The following CEP135 variants were observed in gnomAD, a reference collection of about 807,000 sequenced individuals.
CEP135 encodes the protein centrosomal protein of 135 kDa.
Under a neutral mutation model 157.3 loss-of-function variants are expected in CEP135, and 142 were observed. The ratio of observed to expected loss-of-function variants is 0.90; its 90% CI spans 0.79 to 1.04. CEP135 has a LOEUF of 1.04. Among genes scored for constraint, CEP135 ranks in the 50% least tolerant of loss-of-function variants. CEP135 has a pLI of 0.00. For synonymous variants in CEP135, 396 were observed against 439.8 expected (o/e 0.90, Z 1.25); for missense variants, 1,317 against 1,309.2 (o/e 1.01, Z -0.09).
At chr4:56,011,303 T>A (rs376032634) in intron 19 of CEP135, 109 bp from the exon 20 acceptor site, 11 of 708,162 alleles carry the variant, frequency 1.6e-5, no homozygotes, top group Middle Eastern at 3.7e-4. Context: ...AGTTTTCCTT[T>A]TGCCCTACTC....
intron 18 of CEP135, among the ~76,000 whole-genome samples, chr4:56,008,879 A>G (rs1364863836): frequency 1.3e-5 from 2 of 152,164 alleles, no homozygotes; most frequent in African/African-American, 2.4e-5. Context: ...ATATTTGCCA[A>G]TTGAATCTAT....
At chr4:55,977,005 A>G (rs113677552) in intron 11 of CEP135, among the ~76,000 whole-genome samples, 2,348 of 148,936 alleles carry the variant, frequency 0.016, 37 homozygotes, top group Middle Eastern at 0.038. Context: ...TATTTTTTGT[A>G]GAGATAGGGT....
At chr4:55,998,786 G>A (rs1407095891) in intron 15 of CEP135, among the ~76,000 whole-genome samples, 1 of 152,114 alleles carries the variant, frequency 6.6e-6, no homozygotes, top group Non-Finnish European at 1.5e-5. Flanking sequence ...GATCACCTGA[G>A]CCCAGGAGGC....
chr4:55,995,144 C>T (rs1046322680), intron 15 of CEP135, among the ~76,000 whole-genome samples: 9 of 152,264 alleles, frequency 5.9e-5, no homozygotes, highest in African/African-American at 1.9e-4. Flanking sequence ...GCATTTTATA[C>T]CCCAGATCAA....
intron 2 of CEP135, 147 bp from the exon 3 acceptor site, chr4:55,952,937 CT>C: frequency 1.7e-6 from 1 of 600,596 alleles, no homozygotes; most frequent in Non-Finnish European, 2.7e-6. Context: ...TCTTACAGGA[CT>C]ACTCTCCTTC....
chr4:55,965,581 G>T, intron 7 of CEP135, 63 bp from the exon 8 acceptor site: 2 of 1,056,420 alleles, frequency 1.9e-6, no homozygotes, highest in Non-Finnish European at 2.8e-6. Flanking sequence ...GTATTATTTG[G>T]AAAGTCAGTG....
chr4:55,955,219 T>A (rs1728469312), intron 4 of CEP135, among the ~76,000 whole-genome samples: 1 of 152,038 alleles, frequency 6.6e-6, no homozygotes, highest in Non-Finnish European at 1.5e-5. Flanking sequence ...TGAAATTAAG[T>A]GAGTAACAGG....
At chr4:55,978,627 T>C (rs550703136) in intron 11 of CEP135, among the ~76,000 whole-genome samples, 2 of 152,344 alleles carry the variant, frequency 1.3e-5, no homozygotes, top group African/African-American at 2.4e-5. Flanking sequence ...CATAGCTCAC[T>C]GTAACCTTGA....
intron 9 of CEP135, among the ~76,000 whole-genome samples, chr4:55,970,216 C>T (rs1050998635): frequency 2.0e-5 from 3 of 152,088 alleles, no homozygotes; most frequent in Admixed American, 6.5e-5. Context: ...AACCATTTTC[C>T]TAGTCACATT....
chr4:55,962,006 A>G (rs1029178449), intron 6 of CEP135, among the ~76,000 whole-genome samples: 2 of 152,174 alleles, frequency 1.3e-5, no homozygotes, highest in East Asian at 3.9e-4. Flanking sequence ...ACAAGTACTT[A>G]TATAACCACT....
At chr4:56,026,080 G>A (rs1192455562) in intron 25 of CEP135, among the ~76,000 whole-genome samples, 2 of 152,056 alleles carry the variant, frequency 1.3e-5, no homozygotes, top group Non-Finnish European at 2.9e-5. Context: ...ATGGTGGCAC[G>A]CACCTGTAGT....
intron 22 of CEP135, 76 bp from the exon 23 acceptor site, chr4:56,019,277 A>G: frequency 8.8e-7 from 1 of 1,131,580 alleles, no homozygotes. Flanking sequence ...CCACAGAGCT[A>G]TATTGTCAGA....
chr4:56,016,568 T>TA (rs1329894319), intron 21 of CEP135, among the ~76,000 whole-genome samples: 5 of 152,190 alleles, frequency 3.3e-5, no homozygotes, highest in Non-Finnish European at 7.4e-5. Context: ...GTATTATATT[T>TA]GTTTAGGGGA....
chr4:55,986,288 A>G (rs1445471934), intron 14 of CEP135, among the ~76,000 whole-genome samples: 2 of 152,130 alleles, frequency 1.3e-5, no homozygotes, highest in Non-Finnish European at 2.9e-5. Flanking sequence ...TATAATCCCA[A>G]CACTTTGGGA....
intron 14 of CEP135, among the ~76,000 whole-genome samples, chr4:55,989,733 G>A (rs1244798943): frequency 6.6e-6 from 1 of 152,082 alleles, no homozygotes; most frequent in Admixed American, 6.5e-5. Context: ...CAATAATGGG[G>A]GAAATGTAAA....
intron 22 of CEP135, among the ~76,000 whole-genome samples, chr4:56,018,270 C>T (rs796551099): frequency 3.9e-5 from 6 of 152,272 alleles, no homozygotes; most frequent in African/African-American, 1.4e-4. Flanking sequence ...TGAGCTACTG[C>T]ACCCAGCCTA....
Position 56,032,725 on chromosome 4 carries a change from G to A in CEP135, c.*1377G>A, listed in dbSNP as rs1731400709. On this transcript the variant is annotated 3_prime_UTR_variant, in exon 26 of 26. Transcript: ENST00000257287. ...AGAATATCAGATACAAAAATCAATC[G>A]TGAAGAAAATCTGTTCTTAATATAT... 1 of 152,052 alleles carries A rather than the reference G, an allele frequency of 6.6e-6. No homozygotes were observed. The highest frequency in any genetic ancestry group is 1.5e-5 in the Non-Finnish European group (1 of 68,006). 9.4% of individuals were successfully genotyped at this position (152,052 alleles called of 1,614,324 possible).
intron 14 of CEP135, among the ~76,000 whole-genome samples, chr4:55,989,915 TACCAG>T: frequency 6.6e-6 from 1 of 152,324 alleles, no homozygotes; most frequent in Non-Finnish European, 1.5e-5. Context: ...TCTAGATATG[TACCAG>T]ATATGATGGA....
intron 25 of CEP135, among the ~76,000 whole-genome samples, chr4:56,031,074 G>C (rs1214889938): frequency 6.6e-6 from 1 of 152,080 alleles, no homozygotes; most frequent in East Asian, 1.9e-4. Context: ...CAAGACTGCA[G>C]TGAGCTATGA....
Sources: gnomAD v4.1 joint callset for allele counts (sites outside exome capture counted in the v4.1 genomes callset) on GRCh38, gnomAD v4.1.1 for gene constraint, MANE v1.5 for transcripts, NCBI Gene and HGNC (gene_info 2026-07-23, HGNC 2026-07-21) for gene names.